Variants in SUPT3H observed in about 807,000 individuals in gnomAD.
SUPT3H encodes SPT3 homolog, SAGA and STAGA complex component.
A neutral mutation model predicts 44.3 loss-of-function variants in SUPT3H; 44 were observed. The ratio of observed to expected loss-of-function variants is 0.99; its 90% CI spans 0.78 to 1.28. The LOEUF is 1.28. Among genes scored for constraint, SUPT3H ranks in the 50% most tolerant of loss-of-function variants. The pLI, the probability that SUPT3H is intolerant of heterozygous loss-of-function variation, is 0.00. For synonymous variants in SUPT3H, 124 were observed against 125.6 expected (o/e 0.99, Z 0.09); for missense variants, 380 against 387.1 (o/e 0.98, Z 0.15).
chr6:45,124,987 T>C (rs1247015958), intron 2 of SUPT3H, among the ~76,000 whole-genome samples: 2 of 151,612 alleles, frequency 1.3e-5, no homozygotes, highest in African/African-American at 2.4e-5. Context: ...GTGACTGGAG[T>C]GATGAATCTA....
At chr6:45,061,874 AG>A (rs1792123442) in intron 3 of SUPT3H, among the ~76,000 whole-genome samples, 1 of 146,170 alleles carries the variant, frequency 6.8e-6, no homozygotes, top group African/African-American at 2.5e-5. Flanking sequence ...TGGTACAGCC[AG>A]TTTTTTATCC....
chr6:45,212,804 A>T (rs1764358069), intron 2 of SUPT3H, among the ~76,000 whole-genome samples: 1 of 152,170 alleles, frequency 6.6e-6, no homozygotes, highest in African/African-American at 2.4e-5. Flanking sequence ...TTGATACCTG[A>T]TTAAATACCA....
At chr6:45,114,004 A>T (rs1800469639) in intron 2 of SUPT3H, among the ~76,000 whole-genome samples, 1 of 152,078 alleles carries the variant, frequency 6.6e-6, no homozygotes, top group Non-Finnish European at 1.5e-5. Flanking sequence ...TTTACAAAAC[A>T]CCATGAAATA....
chr6:45,200,604 T>C (rs867823186), intron 2 of SUPT3H, among the ~76,000 whole-genome samples: 4 of 151,540 alleles, frequency 2.6e-5, no homozygotes, highest in South Asian at 4.1e-4. Flanking sequence ...ACCTTCTTAA[T>C]GCTCAGAACA....
At chr6:44,975,655 A>G (rs1288679283) in intron 6 of SUPT3H, among the ~76,000 whole-genome samples, 2 of 152,154 alleles carry the variant, frequency 1.3e-5, no homozygotes, top group Non-Finnish European at 2.9e-5. Context: ...CAGTGCACCA[A>G]AATCTTAGAA....
intron 10 of SUPT3H, among the ~76,000 whole-genome samples, chr6:44,871,116 C>G (rs1364358839): frequency 1.3e-5 from 2 of 150,700 alleles, no homozygotes; most frequent in Non-Finnish European, 3.0e-5. Flanking sequence ...AAAAAAGCAG[C>G]CGGGAAGCTC....
intron 2 of SUPT3H, among the ~76,000 whole-genome samples, chr6:45,141,503 A>G (rs1409246047): frequency 6.6e-6 from 1 of 151,976 alleles, no homozygotes; most frequent in African/African-American, 2.4e-5. Context: ...GAAAAGAAAA[A>G]AAATCATTAA....
chr6:44,894,412 A>C (rs1178888387), intron 10 of SUPT3H, among the ~76,000 whole-genome samples: 1 of 152,174 alleles, frequency 6.6e-6, no homozygotes, highest in South Asian at 2.1e-4. Context: ...AGGTGTAAGG[A>C]AGGGATCCAG....
intron 1 of SUPT3H, among the ~76,000 whole-genome samples, chr6:45,368,913 T>C (rs1795587256): frequency 6.6e-6 from 1 of 152,076 alleles, no homozygotes; most frequent in South Asian, 2.1e-4. Context: ...GAGTTTTCGT[T>C]TTGTTGTTTA....
chr6:44,897,212 A>C (rs1166426954), intron 10 of SUPT3H, among the ~76,000 whole-genome samples: 4 of 152,176 alleles, frequency 2.6e-5, no homozygotes, highest in Non-Finnish European at 5.9e-5. Flanking sequence ...GAGGATACAC[A>C]CTTGGTGCTT....
At chr6:44,823,745 C>T (rs575844428), downstream of SUPT3H, among the ~76,000 whole-genome samples, 4 of 152,010 alleles carry the variant, frequency 2.6e-5, no homozygotes, top group South Asian at 2.1e-4. Flanking sequence ...GTGGATCGCC[C>T]GAGGTCAGGA....
intron 2 of SUPT3H, among the ~76,000 whole-genome samples, chr6:45,106,989 CT>C (rs1302333564): frequency 5.9e-5 from 9 of 152,134 alleles, no homozygotes; most frequent in Non-Finnish European, 1.3e-4. Flanking sequence ...ATGTAATCAG[CT>C]TTGAAAGTTG....
At chr6:45,281,993 TC>T (rs921392145) in intron 2 of SUPT3H, among the ~76,000 whole-genome samples, 4 of 152,254 alleles carry the variant, frequency 2.6e-5, no homozygotes, top group Admixed American at 1.3e-4. Flanking sequence ...AGAGTGGACA[TC>T]CAGCAAACTC....
intron 2 of SUPT3H, among the ~76,000 whole-genome samples, chr6:45,353,673 G>A (rs1306346187): frequency 6.6e-6 from 1 of 151,896 alleles, no homozygotes; most frequent in Non-Finnish European, 1.5e-5. Flanking sequence ...TGAAATGTAA[G>A]AAAGTGCATG....
chr6:44,905,432 C>T (rs916599463), intron 10 of SUPT3H, among the ~76,000 whole-genome samples: 4 of 150,208 alleles, frequency 2.7e-5, no homozygotes, highest in Non-Finnish European at 5.9e-5. Context: ...CTCATCATCA[C>T]TGGCCATCAG....
At chr6:45,145,018 C>T (rs1805815584) in intron 2 of SUPT3H, among the ~76,000 whole-genome samples, 1 of 151,918 alleles carries the variant, frequency 6.6e-6, no homozygotes, top group South Asian at 2.1e-4. Context: ...AAATAAATCA[C>T]CAATGACACA....
intron 1 of SUPT3H, among the ~76,000 whole-genome samples, chr6:45,369,387 A>G (rs895120524): frequency 6.6e-6 from 1 of 152,172 alleles, no homozygotes; most frequent in African/African-American, 2.4e-5. Flanking sequence ...TCTTTCTCTG[A>G]CATCTAATTA....
chr6:44,986,531 T>C (rs1251215439), intron 6 of SUPT3H, among the ~76,000 whole-genome samples: 1 of 152,146 alleles, frequency 6.6e-6, no homozygotes, highest in Non-Finnish European at 1.5e-5. Context: ...ATTAAAATTA[T>C]ACCATCAGTA....
At chr6:44,894,702 C>A (rs370139375) in intron 10 of SUPT3H, among the ~76,000 whole-genome samples, 1 of 151,746 alleles carries the variant, frequency 6.6e-6, no homozygotes, top group Admixed American at 6.6e-5. Flanking sequence ...CTTGGTGATG[C>A]GGTTTTTCAA....
Sources: gnomAD v4.1 joint callset for allele counts (sites outside exome capture counted in the v4.1 genomes callset) on GRCh38, gnomAD v4.1.1 for gene constraint, MANE v1.5 for transcripts, NCBI Gene and HGNC (gene_info 2026-07-23, HGNC 2026-07-21) for gene names.